The following CHD9NB variants were observed in gnomAD, a reference collection of about 807,000 sequenced individuals.
The protein encoded by CHD9NB is CHD9 neighbor protein.
At chr16:53,041,277 A>G in the CHD9NB span, among the ~76,000 whole-genome samples, 1 of 152,258 alleles carries the variant, frequency 6.6e-6, no homozygotes, top group Non-Finnish European at 1.5e-5. Context: ...AATCCTAACC[A>G]CTTTTACCAG....
chr16:53,043,842 A>G, the CHD9NB span: 1 of 396,494 alleles, frequency 2.5e-6, no homozygotes, highest in Non-Finnish European at 4.4e-6. Flanking sequence ...CCAATGAGCA[A>G]AGGCTGCTAA....
the CHD9NB span, among the ~76,000 whole-genome samples, chr16:53,038,473 GAGTAGTAGC>G: frequency 0.45 from 57,100 of 127,548 alleles, 11,147 homozygotes; most frequent in East Asian, 0.64. Flanking sequence ...TCAGCCTCCC[GAGTAGTAGC>G]TGGAATTACA....
the CHD9NB span, among the ~76,000 whole-genome samples, chr16:53,046,527 AT>A: frequency 6.9e-6 from 1 of 145,740 alleles, no homozygotes; most frequent in African/African-American, 2.5e-5. Flanking sequence ...AAAAAAAAAA[AT>A]ACAAAAATTA....
At chr16:53,041,049 C>T in the CHD9NB span, among the ~76,000 whole-genome samples, 5 of 150,800 alleles carry the variant, frequency 3.3e-5, no homozygotes, top group Non-Finnish European at 7.4e-5. Context: ...GATGGAAGGA[C>T]TGAAGAACAG....
the CHD9NB span, among the ~76,000 whole-genome samples, chr16:53,039,605 C>A: frequency 2.6e-5 from 4 of 151,942 alleles, no homozygotes; most frequent in Non-Finnish European, 4.4e-5. Flanking sequence ...ATTAGCTGGG[C>A]GTGGTGGTGG....
chr16:53,052,023 G>C, the CHD9NB span, among the ~76,000 whole-genome samples: 1 of 151,308 alleles, frequency 6.6e-6, no homozygotes, highest in Non-Finnish European at 1.5e-5. Flanking sequence ...AAAGTGGGGA[G>C]AGTAACAGTG....
At chr16:53,041,662 C>T in the CHD9NB span, among the ~76,000 whole-genome samples, 6 of 152,066 alleles carry the variant, frequency 3.9e-5, no homozygotes, top group Middle Eastern at 6.3e-3. Context: ...CCACCAGCTG[C>T]GAACTCTTTC....
the CHD9NB span, among the ~76,000 whole-genome samples, chr16:53,048,827 A>G: frequency 6.6e-6 from 1 of 152,134 alleles, no homozygotes; most frequent in African/African-American, 2.4e-5. Flanking sequence ...TAAGCACCCA[A>G]CCTCACTCTC....
At chr16:53,046,556 A>G in the CHD9NB span, among the ~76,000 whole-genome samples, 7 of 151,626 alleles carry the variant, frequency 4.6e-5, no homozygotes, top group Non-Finnish European at 1.0e-4. Context: ...GTGGTGGGGC[A>G]TGCCTGTAGT....
the CHD9NB span, among the ~76,000 whole-genome samples, chr16:53,049,628 C>T: frequency 6.6e-6 from 1 of 152,094 alleles, no homozygotes; most frequent in African/African-American, 2.4e-5. Context: ...GAGCAGGCCA[C>T]ATTTGAGCTG....
chr16:53,043,344 C>T, the CHD9NB span: 2 of 152,206 alleles, frequency 1.3e-5, no homozygotes, highest in East Asian at 3.8e-4. Flanking sequence ...ACACAAATTT[C>T]TCTTCTTTCC....
At chr16:53,043,754 G>C in the CHD9NB span, 2 of 332,904 alleles carry the variant, frequency 6.0e-6, no homozygotes, top group Non-Finnish European at 1.1e-5. Flanking sequence ...GTTCCACAAC[G>C]TGTGAAGACT....
the CHD9NB span, among the ~76,000 whole-genome samples, chr16:53,051,554 G>T: frequency 6.8e-6 from 1 of 147,484 alleles, no homozygotes; most frequent in Non-Finnish European, 1.5e-5. Flanking sequence ...TCACTCATAG[G>T]TGGGAATTGA....
At chr16:53,051,812 AT>A in the CHD9NB span, among the ~76,000 whole-genome samples, 2 of 93,298 alleles carry the variant, frequency 2.1e-5, no homozygotes, top group African/African-American at 5.2e-5. Context: ...TATATATATA[AT>A]GAGTACCTTG....
chr16:53,046,300 C>A, the CHD9NB span, among the ~76,000 whole-genome samples: 1 of 151,982 alleles, frequency 6.6e-6, no homozygotes, highest in African/African-American at 2.4e-5. Context: ...AGGTGAGAAA[C>A]CCTAGGATTG....
the CHD9NB span, among the ~76,000 whole-genome samples, chr16:53,051,810 T>A: frequency 9.5e-5 from 13 of 136,166 alleles, no homozygotes; most frequent in South Asian, 7.0e-4. Flanking sequence ...TATATATATA[T>A]AATGAGTACC....
At chr16:53,046,776 C>T in the CHD9NB span, among the ~76,000 whole-genome samples, 1 of 152,050 alleles carries the variant, frequency 6.6e-6, no homozygotes, top group African/African-American at 2.4e-5. Context: ...TCTGTGGGAC[C>T]AAGAGCAAAA....
the CHD9NB span, among the ~76,000 whole-genome samples, chr16:53,036,991 A>C: frequency 1.3e-5 from 2 of 152,010 alleles, no homozygotes; most frequent in Non-Finnish European, 2.9e-5. Flanking sequence ...GCTGGAATGC[A>C]GTGGCACGAT....
chr16:53,045,382 G>A, the CHD9NB span, among the ~76,000 whole-genome samples: 7 of 152,162 alleles, frequency 4.6e-5, no homozygotes, highest in African/African-American at 1.7e-4. Flanking sequence ...ATGGGTAAAG[G>A]TTTTTGCAGC....
Sources: gnomAD v4.1 joint callset for allele counts (sites outside exome capture counted in the v4.1 genomes callset) on GRCh38, gnomAD v4.1.1 for gene constraint, MANE v1.5 for transcripts, NCBI Gene and HGNC (gene_info 2026-07-23, HGNC 2026-07-21) for gene names.